EPRS1: variants seen among roughly 807,000 people sequenced by gnomAD.
The protein encoded by EPRS1 is bifunctional glutamate/proline--tRNA ligase.
EPRS1 carries 107 observed loss-of-function variants against 188.3 expected under a neutral mutation model. That is an observed-to-expected ratio of 0.57 (90% confidence interval 0.49 to 0.67). The LOEUF (loss-of-function observed/expected upper bound fraction) is 0.67. Ranked by LOEUF, EPRS1 falls within the 30% of genes least tolerant of loss-of-function variation. The pLI is 0.00. For missense variants in EPRS1, 1,577 were observed against 1,802.2 expected, an observed-to-expected ratio of 0.88 and a Z score of 2.26; for synonymous variants, 596 against 593.1, an observed-to-expected ratio of 1.00 and a Z score of -0.07.
At chr1:220,039,837 A>G (rs1558063334) in intron 2 of EPRS1, among the ~76,000 whole-genome samples, 1 of 152,212 alleles carries the variant, frequency 6.6e-6, no homozygotes, top group Non-Finnish European at 1.5e-5. Context: ...ATTTCTTTAA[A>G]TGCCATTCAG....
rs568513704 is a variant in EPRS1, at chr1:219,984,260, G to C, written c.3039-3C>G. ...CTTTTTTTGCCTCAAGACCCAACCT[G>C]CAGATGTGAAAAGTAAAAGATAAAT... On this transcript the variant is annotated splice_region_variant and splice_polypyrimidine_tract_variant and intron_variant, in intron 20 of 31. Transcript: ENST00000366923. 6 of 1,609,802 alleles carry C rather than the reference G, an allele frequency of 3.7e-6. No individual in the cohort carries two copies. Among genetic ancestry groups the C allele is most frequent in the Non-Finnish European group, 5.1e-6 (6 of 1,176,206 alleles).
At chr1:220,036,016 A>C (rs1024041033) in intron 2 of EPRS1, among the ~76,000 whole-genome samples, 2 of 152,072 alleles carry the variant, frequency 1.3e-5, no homozygotes, top group East Asian at 3.9e-4. Flanking sequence ...CCTGGCCAAC[A>C]TGGTGAAACC....
At chr1:220,027,934 C>T (rs1221846188) in intron 6 of EPRS1, among the ~76,000 whole-genome samples, 1 of 151,860 alleles carries the variant, frequency 6.6e-6, no homozygotes, top group Non-Finnish European at 1.5e-5. Context: ...GAAAAACTAA[C>T]AAAATCCCAA....
chr1:220,045,912 G>C (rs1662392018), intron 1 of EPRS1, among the ~76,000 whole-genome samples: 1 of 152,194 alleles, frequency 6.6e-6, no homozygotes. Flanking sequence ...GGACAGGACA[G>C]GAAAGGAGGT....
intron 13 of EPRS1, 24 bp from the exon 14 acceptor site, chr1:220,007,362 T>C (rs1661509693): frequency 6.3e-7 from 1 of 1,598,218 alleles, no homozygotes; most frequent in African/African-American, 1.4e-5. Flanking sequence ...AAAAGCAGAG[T>C]GTCTGTTGAA....
At chr1:219,979,173 C>G (rs1297871368) in intron 27 of EPRS1, among the ~76,000 whole-genome samples, 1 of 152,088 alleles carries the variant, frequency 6.6e-6, no homozygotes, top group Non-Finnish European at 1.5e-5. Context: ...ATACTATAAA[C>G]CGTTTTTAAA....
intron 6 of EPRS1, among the ~76,000 whole-genome samples, chr1:220,026,793 G>A (rs1485355183): frequency 6.6e-6 from 1 of 151,770 alleles, no homozygotes; most frequent in African/African-American, 2.4e-5. Context: ...GCCAGCAGTT[G>A]TACAGTTTTA....
chr1:219,977,076 C>T (rs796292218), intron 28 of EPRS1, among the ~76,000 whole-genome samples: 1 of 152,072 alleles, frequency 6.6e-6, no homozygotes, highest in Non-Finnish European at 1.5e-5. Context: ...TCAAAATGCG[C>T]GTACACATCG....
Position 219,980,127 on chromosome 1 carries a change from A to G in EPRS1, c.3669T>C (p.Thr1223=). Residue 1223 remains threonine, a synonymous_variant, in exon 26 of 32, where the codon ACT becomes ACC. Transcript: ENST00000366923. ...KEKFAGGDYT[T]TIEAFISASG... Reference sequence around the variant, plus strand: ...TAGCAGATATAAATGCTTCTATTGTAGTTGTATAGTCTCCTCCTGCAAATT... The same window carrying G: ...TAGCAGATATAAATGCTTCTATTGTGGTTGTATAGTCTCCTCCTGCAAATT... 3 of 1,613,874 alleles carry G rather than the reference A, an allele frequency of 1.9e-6. No homozygotes were observed. The highest frequency in any genetic ancestry group is 2.5e-6 in the Non-Finnish European group (3 of 1,179,878).
chr1:219,987,245 G>A lies in EPRS1; in HGVS notation c.2935C>T (p.Gln979Ter). The A allele has an allele frequency of 6.2e-7, 1 of 1,613,974 alleles. No individual in the cohort carries two copies. Among genetic ancestry groups the A allele is most frequent in the Non-Finnish European group, 8.5e-7 (1 of 1,179,974 alleles). Residue 979 changes from glutamine (Q) to a stop codon, truncating the protein, a stop_gained, in exon 20 of 32, where the codon CAG becomes TAG. Coordinates refer to ENST00000366923, the MANE Select transcript of EPRS1 (RefSeq NM_004446.3). LOFTEE classifies it high-confidence loss of function. The stretch of plus-strand genomic sequence containing the variant: ...TTCCTTTGGCCATCATTTTGTTTCT[G>A]AGGCTTATTCTGCTTTTCAGATTTA... ...ENKSEKQNKP[Q>*]KQNDGQRKDP...
chr1:220,029,091 A>G (rs1662039411), intron 6 of EPRS1, among the ~76,000 whole-genome samples: 1 of 152,208 alleles, frequency 6.6e-6, no homozygotes, highest in Non-Finnish European at 1.5e-5. Flanking sequence ...CAAGTGGCGC[A>G]GCTAAAAATG....
At chr1:220,003,717 C>A (rs1312295058) in intron 16 of EPRS1, among the ~76,000 whole-genome samples, 2 of 152,274 alleles carry the variant, frequency 1.3e-5, no homozygotes, top group Non-Finnish European at 2.9e-5. Context: ...GTACCACCAC[C>A]ATTACTAAAT....
chr1:220,005,737 C>T (rs958669115), intron 15 of EPRS1, among the ~76,000 whole-genome samples: 80 of 151,734 alleles, frequency 5.3e-4, no homozygotes, highest in Middle Eastern at 3.5e-3. Context: ...CTACTATTTA[C>T]TGTTTGTCCT....
At position 219,978,501 on chromosome 1, in the gene EPRS1, C is replaced by G. The variant is rs776785747; in HGVS notation, c.4083+45G>C. On this transcript the variant is annotated intron_variant, in intron 28 of 31. Transcript: ENST00000366923. ...AAACATGCAGAGGAAAATCTAAACT[C>G]AAATTGCAGATGTTGGGGGTAAAAG... The G allele has an allele frequency of 2.2e-5, 32 of 1,430,854 alleles. 1 individual carries two copies. The South Asian group carries it at 4.2e-4, about 19-fold the overall frequency. 88.6% of individuals were successfully genotyped at this position (1,430,854 alleles called of 1,614,324 possible).
At chr1:220,015,237 G>C (rs980772289) in intron 12 of EPRS1, among the ~76,000 whole-genome samples, 19 of 152,082 alleles carry the variant, frequency 1.2e-4, no homozygotes, top group African/African-American at 4.1e-4. Context: ...GGCTGAGGCG[G>C]GTGGATCAAG....
intron 12 of EPRS1, chr1:220,018,188 T>A (rs973997721): frequency 1.8e-5 from 25 of 1,411,654 alleles, no homozygotes; most frequent in Middle Eastern, 3.7e-4. Flanking sequence ...TCATAAAAAA[T>A]TTAAGGAAAA....
chr1:219,971,795 T>TATATATATATATATATATATATATATAC (rs140568859), intron 30 of EPRS1, among the ~76,000 whole-genome samples: 2 of 108,398 alleles, frequency 1.8e-5, no homozygotes, highest in African/African-American at 6.4e-5. Context: ...TATATATATA[T>TATATATATATATATATATATATATATAC]ACATATACAC....
intron 12 of EPRS1, among the ~76,000 whole-genome samples, chr1:220,017,671 A>G (rs1336858905): frequency 6.6e-6 from 1 of 152,214 alleles, no homozygotes; most frequent in Non-Finnish European, 1.5e-5. Flanking sequence ...CACAGAAACC[A>G]TAATTTAAAA....
intron 9 of EPRS1, among the ~76,000 whole-genome samples, chr1:220,021,967 T>A (rs1661885833): frequency 6.6e-6 from 1 of 152,208 alleles, no homozygotes; most frequent in Non-Finnish European, 1.5e-5. Context: ...TTGTTCATAT[T>A]TCTGGAAGTT....
Sources: allele counts gnomAD v4.1 joint callset (sites outside exome capture counted in the v4.1 genomes callset), GRCh38; gene constraint gnomAD v4.1.1; transcripts MANE v1.5; gene names NCBI Gene and HGNC (gene_info 2026-07-23, HGNC 2026-07-21).